Variants in NDST1 observed in about 807,000 individuals in gnomAD.
The protein encoded by NDST1 is N-deacetylase and N-sulfotransferase 1.
Under a neutral mutation model 92.8 loss-of-function variants are expected in NDST1, and 35 were observed. The ratio of observed to expected loss-of-function variants is 0.38; its 90% CI spans 0.29 to 0.50. NDST1 has a LOEUF of 0.50. NDST1 is among the 20% of genes least tolerant of loss of function. The pLI, the probability that NDST1 is intolerant of heterozygous loss-of-function variation, is 0.94. For missense variants in NDST1, 822 were observed against 1,182.7 expected (o/e 0.69, Z 4.47); for synonymous variants, 493 against 500.3 (o/e 0.99, Z 0.19).
intron 7 of NDST1, 155 bp downstream of exon 7, chr5:150,539,511 C>T (rs753937532): frequency 8.2e-5 from 127 of 1,540,796 alleles, no homozygotes; most frequent in Non-Finnish European, 9.6e-5. Context: ...GGCCCTGCCT[C>T]GGCTGTGTGA....
At chr5:150,543,937 GCC>G (rs1440399286) in intron 10 of NDST1, among the ~76,000 whole-genome samples, 1 of 152,138 alleles carries the variant, frequency 6.6e-6, no homozygotes, top group Non-Finnish European at 1.5e-5. Flanking sequence ...CCGCCACCAT[GCC>G]TGGCTAATTT....
intron 10 of NDST1, 110 bp from the exon 11 acceptor site, chr5:150,545,202 C>T (rs1380741579): frequency 1.6e-6 from 2 of 1,286,630 alleles, no homozygotes; most frequent in Non-Finnish European, 2.3e-6. Flanking sequence ...CAAAGCTTCC[C>T]ACTTGCTCTC....
chr5:150,528,551 G>A (rs1478529704), intron 3 of NDST1, among the ~76,000 whole-genome samples: 1 of 152,198 alleles, frequency 6.6e-6, no homozygotes, highest in Non-Finnish European at 1.5e-5. Context: ...AGCACTTTGG[G>A]AGGCTGAGGT....
In NDST1 at chr5:150,527,831, C is replaced by A. The variant is rs368200657; in HGVS notation, c.541C>A (p.Gln181Lys). The change falls in exon 3 of 15, where the codon CAG becomes AAG. Residue 181 changes from glutamine (Q) to lysine (K), a missense_variant. By Grantham distance (53) the Gln-to-Lys change is moderately conservative. Transcript: ENST00000261797. ...CAATGAGAACAGCCTGCTGAGTGCG[C>A]AGCTCAAGGGCTTCCCCCTGTTCCT... ...KANENSLLSA[Q>K]LKGFPLFLHS... The A allele has an allele frequency of 2.5e-6, 4 of 1,614,126 alleles. No individual in the cohort carries two copies. Among genetic ancestry groups the A allele is most frequent in the Non-Finnish European group, 3.4e-6 (4 of 1,180,044 alleles).
chr5:150,545,735 C>T (rs1398785766), intron 11 of NDST1, among the ~76,000 whole-genome samples: 2 of 152,202 alleles, frequency 1.3e-5, no homozygotes, highest in African/African-American at 4.8e-5. Context: ...CTACTTCTGA[C>T]ACTGACAAGA....
intron 1 of NDST1, among the ~76,000 whole-genome samples, chr5:150,519,419 C>G (rs1165683923): frequency 2.0e-5 from 3 of 152,172 alleles, no homozygotes; most frequent in Admixed American, 6.5e-5. Context: ...GATAGTTGCT[C>G]CTTGGGGGCC....
At chr5:150,525,073 A>T (rs908277186) in intron 2 of NDST1, among the ~76,000 whole-genome samples, 2 of 152,182 alleles carry the variant, frequency 1.3e-5, no homozygotes, top group Non-Finnish European at 1.5e-5. Flanking sequence ...GCGTTCCCGA[A>T]TCAGGGCTCC....
chr5:150,539,392 G>A, intron 7 of NDST1, 36 bp downstream of exon 7: 1 of 1,613,206 alleles, frequency 6.2e-7, no homozygotes, highest in South Asian at 1.1e-5. Context: ...CTGGTGAGAA[G>A]GGGCTGCTGC....
chr5:150,557,035 C>T lies in NDST1; in HGVS notation c.*3703C>T, dbSNP rs1418799617. ...GGTGTCGCATAACCACTTCTTCTAT[C>T]CCCTGTACTTTCAAGGATAATTTAG... On this transcript the variant is annotated 3_prime_UTR_variant, in exon 15 of 15. Coordinates refer to ENST00000261797, the MANE Select transcript of NDST1 (RefSeq NM_001543.5). The surrounding 1 kb of genome is among the most constrained non-coding windows in gnomAD (Gnocchi z 4.7). 1 of 152,644 alleles carries T rather than the reference C, an allele frequency of 6.6e-6. No homozygotes were observed. The highest frequency in any genetic ancestry group is 1.5e-5 in the Non-Finnish European group (1 of 68,050). The allele number at this position is 152,644 out of a possible 1,614,324, so 9.5% of individuals were successfully genotyped here.
chr5:150,554,035 T>TC lies in NDST1; in HGVS notation c.*708dup. 2.5e-6 allele frequency: 1 copy of TC among 406,268 alleles called. No individual in the cohort carries two copies. Among genetic ancestry groups the TC allele is most frequent in the Non-Finnish European group, 4.4e-6 (1 of 229,852 alleles). The allele number at this position is 406,268 out of a possible 1,614,324, so 25.2% of individuals were successfully genotyped here. ...CCGGGCCCCACCTGCACCCCTTTCTTCCCCCTGGGATATGATGTGTGGTGT... is the reference window on the plus strand; with the variant it reads ...CCGGGCCCCACCTGCACCCCTTTCTTCCCCCCTGGGATATGATGTGTGGTGT... On this transcript the variant is annotated 3_prime_UTR_variant, in exon 15 of 15. Coordinates refer to ENST00000261797, the MANE Select transcript of NDST1 (RefSeq NM_001543.5).
chr5:150,514,617 G>A (rs1392039177), intron 1 of NDST1, among the ~76,000 whole-genome samples: 1 of 150,918 alleles, frequency 6.6e-6, no homozygotes, highest in African/African-American at 2.4e-5. Flanking sequence ...TAGTATGGCA[G>A]TATTCATAAT....
Position 150,540,160 on chromosome 5 carries a change from T to C in NDST1, c.1645T>C (p.Phe549Leu), listed in dbSNP as rs765289660. The C allele has an allele frequency of 8.7e-6, 14 of 1,614,240 alleles. No homozygotes were observed. The highest frequency in any genetic ancestry group is 1.2e-5 in the Non-Finnish European group (14 of 1,180,054). Residue 549 changes from phenylalanine (F) to leucine (L), a missense_variant, in exon 8 of 15, where the codon TTC becomes CTC. Coordinates refer to ENST00000261797, the MANE Select transcript of NDST1 (RefSeq NM_001543.5). ...GTACACCTTCAAGCACCTGGTGCGC[T>C]TCCTGCACTCCTGGACGAACCTCCG... Reference protein sequence around the residue: ...GLYTFKHLVRFLHSWTNLRLQ... With the variant: ...GLYTFKHLVRLLHSWTNLRLQ...
At chr5:150,502,572 C>G (rs578176292) in intron 1 of NDST1, among the ~76,000 whole-genome samples, 1 of 152,144 alleles carries the variant, frequency 6.6e-6, no homozygotes, top group East Asian at 1.9e-4. Flanking sequence ...CTGTTGCTGT[C>G]AGGAACAGCA....
chr5:150,538,110 A>G (rs980887609), intron 6 of NDST1, among the ~76,000 whole-genome samples: 7 of 152,292 alleles, frequency 4.6e-5, no homozygotes, highest in Admixed American at 4.6e-4. Flanking sequence ...GAGGAAGAGC[A>G]CTCAAGGCAG....
chr5:150,536,723 G>A (rs754632544), intron 6 of NDST1, among the ~76,000 whole-genome samples: 1 of 152,034 alleles, frequency 6.6e-6, no homozygotes, highest in Non-Finnish European at 1.5e-5. Flanking sequence ...ACACCACCAT[G>A]CCTGGATAAT....
chr5:150,539,429 T>A (rs1323246130), intron 7 of NDST1, 73 bp downstream of exon 7: 2 of 1,609,824 alleles, frequency 1.2e-6, no homozygotes, highest in Non-Finnish European at 1.7e-6. Context: ...TGACACAGGC[T>A]TCCTGGAGCC....
intron 6 of NDST1, among the ~76,000 whole-genome samples, chr5:150,538,313 T>G (rs1344062142): frequency 6.6e-6 from 1 of 152,146 alleles, no homozygotes; most frequent in Non-Finnish European, 1.5e-5. Flanking sequence ...ATGGGAAGGT[T>G]TTGAATGGAG....
intron 7 of NDST1, chr5:150,539,856 G>A: frequency 1.1e-6 from 1 of 914,020 alleles, no homozygotes; most frequent in Non-Finnish European, 1.3e-6. Flanking sequence ...TCCCACATTG[G>A]GTCTGCTTTC....
chr5:150,539,775 T>C lies in NDST1; in HGVS notation c.1567-307T>C, dbSNP rs1755161838. On this transcript the variant is annotated intron_variant, in intron 7 of 14. Transcript: ENST00000261797. ...CTTCAAGTGGTGGTTGTTATTCAGC[T>C]CTGTGGGCTGAGTACTCTTTATCTT... 9.1e-6 allele frequency: 9 copies of C among 985,094 alleles called. No individual in the cohort carries two copies. The South Asian group carries it at 4.2e-4, about 46-fold the overall frequency. The allele number at this position is 985,094 out of a possible 1,614,324, so 61.0% of individuals were successfully genotyped here.
Sources: gnomAD v4.1 joint callset for allele counts (sites outside exome capture counted in the v4.1 genomes callset) on GRCh38, gnomAD v4.1.1 for gene constraint, Gnocchi (gnomAD v3.1) non-coding constraint, MANE v1.5 for transcripts, NCBI Gene and HGNC (gene_info 2026-07-23, HGNC 2026-07-21) for gene names.